Variants in HS6ST2 observed in about 807,000 individuals in gnomAD.
HS6ST2 encodes the protein heparan sulfate 6-O-sulfotransferase 2.
A neutral mutation model predicts 33.0 loss-of-function variants in HS6ST2; 17 were observed. The ratio of observed to expected loss-of-function variants is 0.52; its 90% CI spans 0.35 to 0.77. The LOEUF is 0.77. Among genes scored for constraint, HS6ST2 ranks in the 30% least tolerant of loss-of-function variants. The pLI is 0.01. For synonymous variants in HS6ST2, 248 were observed against 237.1 expected (o/e 1.05, Z -0.42); for missense variants, 519 against 551.7 (o/e 0.94, Z 0.59).
chrX:132,891,720 A>T (rs1300482586), intron 2 of HS6ST2, among the ~76,000 whole-genome samples: 1 of 111,357 alleles, frequency 9.0e-6, no homozygotes, highest in African/African-American at 3.3e-5. Context: ...TGAACTCCTC[A>T]TTTTTTATGG....
chrX:132,731,075 G>C (rs979538681), intron 2 of HS6ST2, among the ~76,000 whole-genome samples: 3 of 111,801 alleles, frequency 2.7e-5, no homozygotes, highest in Non-Finnish European at 3.8e-5. Context: ...TAGAGGGCAA[G>C]AGATTTACTT....
At position 132,628,433 on chromosome X, in the gene HS6ST2, G is replaced by GCCCTGA; in HGVS notation, c.1722_1727dup (p.Gly576_Gln577dup). 8.3e-7 allele frequency: 1 copy of GCCCTGA among 1,208,093 alleles called. No individual in the cohort carries two copies. Among genetic ancestry groups the GCCCTGA allele is most frequent in the Non-Finnish European group, 1.1e-6 (1 of 892,909 alleles). Reference sequence around the variant, plus strand: ...GATTCTGATTCGGATTCTGGCTCTGGCCCTGACCCTGGCTCTGGAAATGGG... The same window carrying GCCCTGA: ...GATTCTGATTCGGATTCTGGCTCTGGCCCTGACCCTGACCCTGGCTCTGGAAATGGG... On this transcript the variant is annotated inframe_insertion, in exon 5 of 5. Transcript: ENST00000370833.
intron 2 of HS6ST2, among the ~76,000 whole-genome samples, chrX:132,725,305 C>A (rs1289653810): frequency 9.0e-6 from 1 of 111,675 alleles, no homozygotes; most frequent in Admixed American, 9.4e-5. Context: ...ACATAAGGAG[C>A]TCAAACAAGT....
In HS6ST2 at chrX:132,883,096, T is replaced by G. The variant is rs780905130; in HGVS notation, c.947+73712A>C. On this transcript the variant is annotated intron_variant, in intron 2 of 4. Coordinates refer to ENST00000370833, the MANE Select transcript of HS6ST2 (RefSeq NM_001394073.1). ...ATTGGTCTAAAATTCTCTTTTTTTT[T>G]GTTGTGTCTCTGCCAGGCTTTGGTA... Among the ~76,000 whole-genome samples, 7 of 106,234 alleles carry G rather than the reference T, an allele frequency of 6.6e-5. No homozygotes were observed. The East Asian group carries it at 1.8e-3, about 27-fold the overall frequency. The allele number at this position is 106,234 out of a possible 115,157, so 92.3% of individuals were successfully genotyped here.
chrX:132,886,189 G>A (rs1449438431), intron 2 of HS6ST2, among the ~76,000 whole-genome samples: 1 of 111,667 alleles, frequency 9.0e-6, no homozygotes, highest in Non-Finnish European at 1.9e-5. Flanking sequence ...TTAAAGAGTT[G>A]AAGTATGACA....
At chrX:132,883,905 C>A (rs763812908) in intron 2 of HS6ST2, among the ~76,000 whole-genome samples, 3 of 112,328 alleles carry the variant, frequency 2.7e-5, no homozygotes, top group South Asian at 7.4e-4. Flanking sequence ...CTATATCTGT[C>A]TTCCTAGACT....
intron 2 of HS6ST2, among the ~76,000 whole-genome samples, chrX:132,787,710 C>T (rs547479797): frequency 5.6e-5 from 6 of 107,983 alleles, no homozygotes; most frequent in Admixed American, 2.0e-4. Flanking sequence ...GTGAGCACGG[C>T]GAAACCCCCA....
chrX:132,738,816 T>A (rs940336703), intron 2 of HS6ST2, among the ~76,000 whole-genome samples: 2 of 111,832 alleles, frequency 1.8e-5, no homozygotes, highest in African/African-American at 6.5e-5. Flanking sequence ...AGCACATCTT[T>A]CAAGGTCTAA....
intron 2 of HS6ST2, among the ~76,000 whole-genome samples, chrX:132,783,412 T>C (rs2065031584): frequency 9.0e-6 from 1 of 111,596 alleles, no homozygotes; most frequent in Admixed American, 9.5e-5. Flanking sequence ...CAGATTTGTC[T>C]CTTTGTCAGG....
At chrX:132,770,287 A>T (rs2064885299) in intron 2 of HS6ST2, among the ~76,000 whole-genome samples, 1 of 111,702 alleles carries the variant, frequency 9.0e-6, no homozygotes. Context: ...AAGAATCAGA[A>T]TTGGAACCCA....
At chrX:132,697,707 A>G (rs1331217727) in intron 3 of HS6ST2, among the ~76,000 whole-genome samples, 2 of 111,862 alleles carry the variant, frequency 1.8e-5, no homozygotes, top group Non-Finnish European at 3.8e-5. Context: ...TGAAGTACCA[A>G]GTATCTACGT....
At chrX:132,859,176 T>TA (rs2148415355) in intron 2 of HS6ST2, among the ~76,000 whole-genome samples, 1 of 111,990 alleles carries the variant, frequency 8.9e-6, no homozygotes, top group South Asian at 3.8e-4. Flanking sequence ...TTCAAACACT[T>TA]AGACTGCTTT....
Position 132,648,571 on chromosome X carries a change from A to G in HS6ST2, c.1068-19478T>C, listed in dbSNP as rs959698003. ...AAAAAAAAAAAGGTTGGGTGTAAAA[A>G]TACAGAGAACAAGTTTAAATTGTAG... On this transcript the variant is annotated intron_variant, in intron 4 of 4. Transcript: ENST00000370833. Among the ~76,000 whole-genome samples the G allele has an allele frequency of 3.6e-5, 4 of 110,748 alleles. No individual in the cohort carries two copies. In the East Asian group the frequency reaches 1.1e-3, roughly 31 times the overall value.
At chrX:132,898,936 C>T (rs2066403755) in intron 2 of HS6ST2, among the ~76,000 whole-genome samples, 1 of 110,705 alleles carries the variant, frequency 9.0e-6, no homozygotes, top group Admixed American at 9.7e-5. Context: ...AGTAGGAGGG[C>T]CAGTCCCCAG....
intron 2 of HS6ST2, among the ~76,000 whole-genome samples, chrX:132,914,323 T>G (rs996888503): frequency 9.0e-6 from 1 of 111,699 alleles, no homozygotes; most frequent in Non-Finnish European, 1.9e-5. Context: ...TGGAATCCAC[T>G]GACAATTACC....
At chrX:132,632,980 G>A (rs777181192) in intron 4 of HS6ST2, among the ~76,000 whole-genome samples, 32 of 108,019 alleles carry the variant, frequency 3.0e-4, no homozygotes, top group Non-Finnish European at 4.6e-4. Context: ...GGAGGCTGAG[G>A]CGAGAGGATC....
intron 2 of HS6ST2, among the ~76,000 whole-genome samples, chrX:132,893,934 A>T (rs1036475143): frequency 9.0e-6 from 1 of 111,031 alleles, no homozygotes; most frequent in Admixed American, 9.6e-5. Flanking sequence ...CAGGAGCTTC[A>T]TCCAGAGCTC....
chrX:132,744,090 C>T (rs947643342), intron 2 of HS6ST2, among the ~76,000 whole-genome samples: 3 of 111,756 alleles, frequency 2.7e-5, no homozygotes, highest in African/African-American at 9.8e-5. Flanking sequence ...GCCTGGCCTG[C>T]AGCATTCTAT....
At position 132,736,746 on chromosome X, in the gene HS6ST2, C is replaced by T. The variant is rs768473670; in HGVS notation, c.948-28252G>A. Among the ~76,000 whole-genome samples the T allele has an allele frequency of 3.6e-5, 4 of 111,857 alleles. No individual in the cohort carries two copies. In the South Asian group the frequency reaches 1.5e-3, roughly 43 times the overall value. On this transcript the variant is annotated intron_variant, in intron 2 of 4. Coordinates refer to ENST00000370833, the MANE Select transcript of HS6ST2 (RefSeq NM_001394073.1). ...GAATGAGAGAATGAATAAATATATA[C>T]ATGAATGAATGATCAAACACACCTA...
Sources: allele counts gnomAD v4.1 joint callset (sites outside exome capture counted in the v4.1 genomes callset), GRCh38; gene constraint gnomAD v4.1.1; transcripts MANE v1.5; gene names NCBI Gene and HGNC (gene_info 2026-07-23, HGNC 2026-07-21).